The following SPOUT1 variants were observed in gnomAD, a reference collection of about 807,000 sequenced individuals.
SPOUT1 encodes the protein SPOUT domain containing methyltransferase 1, also known as 28S rRNA (uridine-N(3))-methyltransferase.
A neutral mutation model predicts 54.8 loss-of-function variants in SPOUT1; 40 were observed. The observed-to-expected ratio is 0.73, with a 90% CI of 0.57 to 0.95. SPOUT1 has a LOEUF of 0.95. Ranked by LOEUF, SPOUT1 falls within the 40% of genes least tolerant of loss-of-function variation. The pLI, the probability that SPOUT1 is intolerant of heterozygous loss-of-function variation, is 0.00. For missense variants in SPOUT1, 437 were observed against 499.5 expected (o/e 0.87, Z 1.19); for synonymous variants, 193 against 200.3 (o/e 0.96, Z 0.31).
intron 9 of SPOUT1, among the ~76,000 whole-genome samples, chr9:128,824,461 CAG>C (rs1564435299): frequency 6.6e-6 from 1 of 152,094 alleles, no homozygotes; most frequent in East Asian, 1.9e-4. Context: ...GGGAACAGGG[CAG>C]AGACTGGATA....
Position 128,822,235 on chromosome 9 carries a change from A to G in SPOUT1, c.*530T>C. 1 of 1,472,622 alleles carries G rather than the reference A, an allele frequency of 6.8e-7. No individual in the cohort carries two copies. Among genetic ancestry groups the G allele is most frequent in the Admixed American group, 2.0e-5 (1 of 50,728 alleles). 91.2% of individuals were successfully genotyped at this position (1,472,622 alleles called of 1,614,324 possible). A position where few individuals can be genotyped will look rare whatever the true frequency, so the allele number is the denominator to read the frequency against. ...AGGGCGTGGTCCTGCAGGTTGACAG[A>G]AGTTAGAGGACAGATCAGGGAAGGC... is the stretch of plus-strand genomic sequence containing the variant. On this transcript the variant is annotated 3_prime_UTR_variant, in exon 12 of 12. Transcript: ENST00000361256.
In SPOUT1 at chr9:128,826,478, C is replaced by A; in HGVS notation, c.459-45G>T. ...TCAGGATGTTCCCAGGGGAAGCCGC[C>A]TCCTACCTGGTCTCCACTTTGACAC... On this transcript the variant is annotated intron_variant, in intron 5 of 11. Coordinates refer to ENST00000361256, the MANE Select transcript of SPOUT1 (RefSeq NM_016390.4). The surrounding 1 kb of genome is among the most constrained non-coding windows in gnomAD (Gnocchi z 5.5). The A allele has an allele frequency of 6.2e-7, 1 of 1,611,648 alleles. No individual in the cohort carries two copies. The highest frequency in any genetic ancestry group is 1.3e-5 in the African/African-American group (1 of 74,920).
intron 1 of SPOUT1, among the ~76,000 whole-genome samples, 183 bp from the exon 2 acceptor site, chr9:128,829,338 G>A (rs996375505): frequency 1.1e-4 from 17 of 152,140 alleles, no homozygotes; most frequent in Admixed American, 2.0e-4. Context: ...CCAGCGCCTG[G>A]GACCCAGCCT....
chr9:128,824,484 C>G (rs1158753534), intron 9 of SPOUT1, among the ~76,000 whole-genome samples: 1 of 152,096 alleles, frequency 6.6e-6, no homozygotes, highest in East Asian at 1.9e-4. Flanking sequence ...GGAAGAGGCA[C>G]CAAGAACATG....
intron 7 of SPOUT1, 113 bp downstream of exon 7, chr9:128,825,909 C>A: frequency 7.2e-7 from 1 of 1,384,146 alleles, no homozygotes; most frequent in Non-Finnish European, 1.0e-6. Context: ...CCCAAATTTG[C>A]ATCAGTGAGG....
At position 128,824,876 on chromosome 9, in the gene SPOUT1, G is replaced by A. The variant is rs2118802071; in HGVS notation, c.713-7C>T. The A allele has an allele frequency of 6.2e-7, 1 of 1,610,826 alleles. No individual in the cohort carries two copies. The highest frequency in any genetic ancestry group is 8.5e-7 in the Non-Finnish European group (1 of 1,177,008). The stretch of plus-strand genomic sequence containing the variant: ...CCATGGTAGGTCTTGCAGTCTGGAG[G>A]GGTAACAGAGTCTGTAAAGATGGGG... On this transcript the variant is annotated splice_polypyrimidine_tract_variant and splice_region_variant and intron_variant, in intron 8 of 11. Coordinates refer to ENST00000361256, the MANE Select transcript of SPOUT1 (RefSeq NM_016390.4).
In SPOUT1 at chr9:128,822,294, C is replaced by G. The variant is rs770275764; in HGVS notation, c.*471G>C. 3 of 1,599,756 alleles carry G rather than the reference C, an allele frequency of 1.9e-6. No homozygotes were observed. The highest frequency in any genetic ancestry group is 3.4e-5 in the Admixed American group (2 of 59,590). On this transcript the variant is annotated 3_prime_UTR_variant, in exon 12 of 12. Transcript: ENST00000361256. ...AGAGGTGGCTTTGGGTTCATCCAGG[C>G]CCCCTGCCCACGTGTGCCTGGGTCT... is the stretch of plus-strand genomic sequence containing the variant.
chr9:128,824,759 G>A lies in SPOUT1; in HGVS notation c.811+12C>T, dbSNP rs762762951. 4 of 1,596,712 alleles carry A rather than the reference G, an allele frequency of 2.5e-6. No individual in the cohort carries two copies. The African/African-American group carries it at 4.0e-5, about 16-fold the overall frequency. On this transcript the variant is annotated intron_variant, in intron 9 of 11. Transcript: ENST00000361256. ...ATGGATGGATATTCAGAGAAGTAAG[G>A]TCTGTCCTTACTGAGGCAGGAAGCC...
At chr9:128,824,301 CGT>C (rs1035852163) in intron 9 of SPOUT1, 127 bp from the exon 10 acceptor site, 6 of 461,878 alleles carry the variant, frequency 1.3e-5, no homozygotes, top group Non-Finnish European at 2.3e-5. Flanking sequence ...TGTGTGTGTG[CGT>C]GTGTGTACTA....
At chr9:128,829,238 G>A in intron 1 of SPOUT1, 83 bp from the exon 2 acceptor site, 2 of 1,184,270 alleles carry the variant, frequency 1.7e-6, no homozygotes, top group African/African-American at 1.5e-5. Context: ...ACCATAGCCA[G>A]CCCCTCCACA....
intron 11 of SPOUT1, 37 bp from the exon 12 acceptor site, chr9:128,822,870 G>A: frequency 6.7e-7 from 1 of 1,487,110 alleles, no homozygotes; most frequent in Non-Finnish European, 9.2e-7. Flanking sequence ...GGGGCCTGGG[G>A]GGCTAGCGGG....
chr9:128,820,040 G>A lies in SPOUT1; in HGVS notation c.*2725C>T, dbSNP rs1393081893. 1 of 152,258 alleles carries A rather than the reference G, an allele frequency of 6.6e-6. No individual in the cohort carries two copies. The highest frequency in any genetic ancestry group is 2.4e-5 in the African/African-American group (1 of 41,444). 9.4% of individuals were successfully genotyped at this position (152,258 alleles called of 1,614,324 possible). On this transcript the variant is annotated 3_prime_UTR_variant, in exon 12 of 12. Coordinates refer to ENST00000361256, the MANE Select transcript of SPOUT1 (RefSeq NM_016390.4). ...GTACCGGTCTGTAGCCCAGGGGTTG[G>A]GGACCCCTAGTCTATAAAACCGTGA...
chr9:128,827,376 C>A (rs1248648568), intron 3 of SPOUT1, among the ~76,000 whole-genome samples, 185 bp from the exon 4 acceptor site: 1 of 152,240 alleles, frequency 6.6e-6, no homozygotes, highest in African/African-American at 2.4e-5. Flanking sequence ...CATGGCTCCT[C>A]TGAGCAGGGC....
chr9:128,829,418 G>C (rs1830305516), intron 1 of SPOUT1, among the ~76,000 whole-genome samples: 1 of 152,202 alleles, frequency 6.6e-6, no homozygotes, highest in Non-Finnish European at 1.5e-5. Context: ...CTGAGGCTCA[G>C]GGTACAGCAC....
intron 3 of SPOUT1, 78 bp from the exon 4 acceptor site, chr9:128,827,269 G>T: frequency 1.5e-6 from 2 of 1,369,570 alleles, no homozygotes; most frequent in East Asian, 4.8e-5. Flanking sequence ...TCTGTCCCTA[G>T]CGCCCATGGT....
Position 128,822,313 on chromosome 9 carries a change from T to C in SPOUT1, c.*452A>G. On this transcript the variant is annotated 3_prime_UTR_variant, in exon 12 of 12. Transcript: ENST00000361256. Reference sequence around the variant, plus strand: ...TCCAGGCCCCCTGCCCACGTGTGCCTGGGTCTGCCCACAGGACAGAGGCTG... The same window carrying C: ...TCCAGGCCCCCTGCCCACGTGTGCCCGGGTCTGCCCACAGGACAGAGGCTG... The C allele has an allele frequency of 6.2e-7, 1 of 1,608,994 alleles. No individual in the cohort carries two copies. Among genetic ancestry groups the C allele is most frequent in the Non-Finnish European group, 8.5e-7 (1 of 1,176,726 alleles).
At position 128,826,447 on chromosome 9, in the gene SPOUT1, C is replaced by T. The variant is rs1490959156; in HGVS notation, c.459-14G>A. On this transcript the variant is annotated splice_polypyrimidine_tract_variant and intron_variant, in intron 5 of 11. Coordinates refer to ENST00000361256, the MANE Select transcript of SPOUT1 (RefSeq NM_016390.4). The surrounding 1 kb of genome is among the most constrained non-coding windows in gnomAD (Gnocchi z 5.5). ...TTCCTCAGGTACCTAGGAAAGAATG[C>T]TGACCTCAGGATGTTCCCAGGGGAA... The T allele has an allele frequency of 3.7e-6, 6 of 1,613,914 alleles. No homozygotes were observed. The highest frequency in any genetic ancestry group is 5.1e-6 in the Non-Finnish European group (6 of 1,179,826).
At chr9:128,829,342 C>G (rs549278170) in intron 1 of SPOUT1, among the ~76,000 whole-genome samples, 187 bp from the exon 2 acceptor site, 3 of 152,242 alleles carry the variant, frequency 2.0e-5, no homozygotes, top group East Asian at 3.9e-4. Flanking sequence ...CGCCTGGGAC[C>G]CAGCCTGGCA....
chr9:128,829,113 G>A lies in SPOUT1; in HGVS notation c.79C>T (p.Gln27Ter). The change falls in exon 2 of 12, where the codon CAG becomes TAG. Residue 27 changes from glutamine (Q) to a stop codon, truncating the protein, a stop_gained. Transcript: ENST00000361256. LOFTEE classifies it high-confidence loss of function. Reference sequence around the variant, plus strand: ...ACTCTTACCCACCCTTACTTACTCTGTTGCTTCCATTTTCGCCACTCAATC... The same window carrying A: ...ACTCTTACCCACCCTTACTTACTCTATTGCTTCCATTTTCGCCACTCAATC... ...QRIEWRKWKQ[Q>*]KKEEKKKWKD... 6.2e-7 allele frequency: 1 copy of A among 1,613,722 alleles called. No homozygotes were observed. The highest frequency in any genetic ancestry group is 8.5e-7 in the Non-Finnish European group (1 of 1,179,606).
Sources: gnomAD v4.1 joint callset for allele counts (sites outside exome capture counted in the v4.1 genomes callset) on GRCh38, gnomAD v4.1.1 for gene constraint, Gnocchi (gnomAD v3.1) non-coding constraint, MANE v1.5 for transcripts, NCBI Gene and HGNC (gene_info 2026-07-23, HGNC 2026-07-21) for gene names.